Variants in NDST3 observed in about 807,000 individuals in gnomAD.
NDST3 encodes bifunctional heparan sulfate N-deacetylase/N-sulfotransferase 3.
A neutral mutation model predicts 96.1 loss-of-function variants in NDST3; 58 were observed. The observed-to-expected ratio is 0.60, with a 90% CI of 0.49 to 0.75. The LOEUF is 0.75. Ranked by LOEUF, NDST3 falls within the 30% of genes least tolerant of loss-of-function variation. The pLI, the probability that NDST3 is intolerant of heterozygous loss-of-function variation, is 0.00. For synonymous variants in NDST3, 333 were observed against 359.7 expected, an observed-to-expected ratio of 0.93 and a Z score of 0.84; for missense variants, 788 against 1,034.2, an observed-to-expected ratio of 0.76 and a Z score of 3.27.
intron 3 of NDST3, among the ~76,000 whole-genome samples, chr4:118,110,091 T>G (rs1730519424): frequency 6.6e-6 from 1 of 152,192 alleles, no homozygotes; most frequent in Non-Finnish European, 1.5e-5. Context: ...GCTTGTGAAG[T>G]GTCAAAAAAT....
chr4:118,108,301 T>C (rs1398142334), intron 3 of NDST3, among the ~76,000 whole-genome samples: 1 of 152,234 alleles, frequency 6.6e-6, no homozygotes, highest in Non-Finnish European at 1.5e-5. Context: ...GAAGAGTTAC[T>C]TTTTACTAAA....
chr4:118,080,468 A>C (rs1727920560), intron 2 of NDST3, among the ~76,000 whole-genome samples: 1 of 152,206 alleles, frequency 6.6e-6, no homozygotes, highest in Non-Finnish European at 1.5e-5. Context: ...GGTCATGGCC[A>C]CATATACTTA....
chr4:118,209,031 A>G (rs926989321), intron 6 of NDST3, among the ~76,000 whole-genome samples: 1 of 105,270 alleles, frequency 9.5e-6, no homozygotes, highest in Non-Finnish European at 2.2e-5. Flanking sequence ...TCATTCACAT[A>G]TGAGCCAAAA....
intron 2 of NDST3, among the ~76,000 whole-genome samples, chr4:118,083,344 A>G (rs962495495): frequency 6.6e-6 from 1 of 152,202 alleles, no homozygotes; most frequent in Non-Finnish European, 1.5e-5. Context: ...GTGTAACTCA[A>G]TTTCCTCACC....
Position 118,255,859 on chromosome 4 carries a change from T to A in NDST3, c.*147T>A. On this transcript the variant is annotated 3_prime_UTR_variant, in exon 14 of 14. Transcript: ENST00000296499. ...TTCCATGTGCTGGCACGTGGATGAT[T>A]AGAAAAAAAGAAAAAGTATGTGTTA... 1 of 956,466 alleles carries A rather than the reference T, an allele frequency of 1.0e-6. No individual in the cohort carries two copies. The highest frequency in any genetic ancestry group is 1.7e-5 in the African/African-American group (1 of 59,732). The allele number at this position is 956,466 out of a possible 1,614,324, so 59.2% of individuals were successfully genotyped here.
At chr4:118,044,870 A>G (rs981715933) in intron 1 of NDST3, among the ~76,000 whole-genome samples, 1 of 152,108 alleles carries the variant, frequency 6.6e-6, no homozygotes, top group African/African-American at 2.4e-5. Flanking sequence ...CACTCTTGAG[A>G]TAAGTAACCT....
chr4:118,241,805 T>C (rs571423987), intron 11 of NDST3, among the ~76,000 whole-genome samples: 16 of 152,316 alleles, frequency 1.1e-4, no homozygotes, highest in African/African-American at 2.9e-4. Flanking sequence ...TTCAACTGCC[T>C]TTTTTGTTTT....
At chr4:118,052,038 T>C (rs768671052) in intron 1 of NDST3, among the ~76,000 whole-genome samples, 14 of 152,098 alleles carry the variant, frequency 9.2e-5, no homozygotes, top group Non-Finnish European at 1.5e-4. Flanking sequence ...ACTGGGTATA[T>C]ACCCAAAGGA....
chr4:118,258,575 A>G lies in NDST3; in HGVS notation c.*2863A>G, dbSNP rs1339751474. On this transcript the variant is annotated 3_prime_UTR_variant, in exon 14 of 14. Transcript: ENST00000296499. The stretch of plus-strand genomic sequence containing the variant: ...GTTTTTTAAAATAAAAAACCTAGAT[A>G]TAATTCTGATAGTAGCATGGTACCT... The G allele has an allele frequency of 1.3e-5, 2 of 152,176 alleles. No homozygotes were observed. Among genetic ancestry groups the G allele is most frequent in the African/African-American group, 2.4e-5 (1 of 41,450 alleles). The allele number at this position is 152,176 out of a possible 1,614,324, so 9.4% of individuals were successfully genotyped here. A position where few individuals can be genotyped will look rare whatever the true frequency, so the allele number is the denominator to read the frequency against.
At chr4:118,170,683 C>T (rs576262941) in intron 6 of NDST3, among the ~76,000 whole-genome samples, 1 of 152,102 alleles carries the variant, frequency 6.6e-6, no homozygotes, top group South Asian at 2.1e-4. Context: ...GAGCCGAGAT[C>T]GCACCACTGC....
chr4:118,036,187 A>G (rs1189956089), intron 1 of NDST3, among the ~76,000 whole-genome samples: 1 of 152,132 alleles, frequency 6.6e-6, no homozygotes, highest in Non-Finnish European at 1.5e-5. Flanking sequence ...CTGTAAAGAA[A>G]TTACAATTTT....
intron 2 of NDST3, among the ~76,000 whole-genome samples, chr4:118,079,731 G>A (rs191962572): frequency 1.8e-3 from 279 of 152,282 alleles, no homozygotes; most frequent in African/African-American, 4.9e-3. Flanking sequence ...ACTGGCTGTC[G>A]TATGGAGAAT....
chr4:118,140,367 C>G (rs1009793649), intron 5 of NDST3, among the ~76,000 whole-genome samples: 1 of 152,162 alleles, frequency 6.6e-6, no homozygotes, highest in African/African-American at 2.4e-5. Context: ...TTTGTATTTT[C>G]ATCAGGAACA....
intron 6 of NDST3, among the ~76,000 whole-genome samples, chr4:118,177,247 G>T (rs974710409): frequency 2.0e-5 from 3 of 151,996 alleles, no homozygotes; most frequent in Non-Finnish European, 4.4e-5. Flanking sequence ...TGGTAAATAG[G>T]ATAGGATTCT....
At chr4:118,178,744 T>G (rs140704438) in intron 6 of NDST3, among the ~76,000 whole-genome samples, 43 of 152,168 alleles carry the variant, frequency 2.8e-4, no homozygotes, top group Non-Finnish European at 5.3e-4. Context: ...CTTCAATTTT[T>G]TGAAGAATCA....
chr4:118,133,580 T>C (rs1377600207), intron 4 of NDST3, among the ~76,000 whole-genome samples: 1 of 152,224 alleles, frequency 6.6e-6, no homozygotes, highest in Non-Finnish European at 1.5e-5. Context: ...TGCTTTTCTG[T>C]ATGCAGATAG....
Position 118,255,612 on chromosome 4 carries a change from G to A in NDST3, c.2522G>A (p.Ser841Asn). 5 of 1,613,170 alleles carry A rather than the reference G, an allele frequency of 3.1e-6. No homozygotes were observed. The highest frequency in any genetic ancestry group is 2.5e-6 in the Non-Finnish European group (3 of 1,179,428). ...ACTTAGAGCAGGACATTTCTGTCAA[G>A]CTACTATCGAGATCACAACGTGGAA... Reference protein sequence around the residue: ...MDSDSRTFLSSYYRDHNVELS... With the variant: ...MDSDSRTFLSNYYRDHNVELS... The change falls in exon 14 of 14, where the codon AGC (serine) becomes AAC (asparagine). Residue 841 changes from serine to asparagine, a missense_variant. By Grantham distance (46) the Ser-to-Asn change is conservative. This residue lies in a region of NDST3 where 64 missense variants were observed against 68.5 expected (regional missense o/e 0.93). Transcript: ENST00000296499.
At chr4:118,241,506 ACTT>A (rs1053119348) in intron 11 of NDST3, among the ~76,000 whole-genome samples, 31 of 42,668 alleles carry the variant, frequency 7.3e-4, no homozygotes, top group African/African-American at 1.1e-3. Flanking sequence ...ATAACAAGCA[ACTT>A]CTTCTTAGTT....
At chr4:118,066,128 ATTATATAATATATTTTATATATTATATAT>A (rs1726324058) in intron 2 of NDST3, among the ~76,000 whole-genome samples, 1 of 50,258 alleles carries the variant, frequency 2.0e-5, no homozygotes, top group Non-Finnish European at 3.8e-5. Context: ...TATTATATAT[ATTATATAATATATTTTATATATTATATAT>A]ATTATATATT....
Sources: gnomAD v4.1 joint callset for allele counts (sites outside exome capture counted in the v4.1 genomes callset) on GRCh38, gnomAD v4.1.1 for gene constraint, gnomAD v4.1.1 regional missense constraint, MANE v1.5 for transcripts, NCBI Gene and HGNC (gene_info 2026-07-23, HGNC 2026-07-21) for gene names.